The following CLCN4 variants were observed in gnomAD, a reference collection of about 807,000 sequenced individuals.
The protein encoded by CLCN4 is H(+)/Cl(-) exchange transporter 4.
A neutral mutation model predicts 41.7 loss-of-function variants in CLCN4; 1 was observed. The observed-to-expected ratio is 0.02, with a 90% confidence interval of 0.01 to 0.11. The LOEUF (loss-of-function observed/expected upper bound fraction) is 0.11. Ranked by LOEUF, CLCN4 falls within the 10% of genes least tolerant of loss-of-function variation. The pLI, the probability that CLCN4 is intolerant of heterozygous loss-of-function variation, is 1.00. For synonymous variants in CLCN4, 277 were observed against 285.8 expected (o/e 0.97, Z 0.31); for missense variants, 287 against 661.0 (o/e 0.43, Z 6.20).
intron 4 of CLCN4, among the ~76,000 whole-genome samples, chrX:10,192,947 T>C (rs1259771713): frequency 8.9e-6 from 1 of 112,002 alleles, no homozygotes; most frequent in East Asian, 2.8e-4. Context: ...TGTGCCTGGA[T>C]GGTGGGTTCC....
chrX:10,160,849 G>T, intron 2 of CLCN4, among the ~76,000 whole-genome samples: 1 of 111,401 alleles, frequency 9.0e-6, no homozygotes, highest in African/African-American at 3.3e-5. Context: ...AGCTGCTGTC[G>T]GATCTGTAAA....
chrX:10,157,520 A>G lies in CLCN4; in HGVS notation c.-275+420A>G, dbSNP rs779666168. Among the ~76,000 whole-genome samples, 62 of 113,031 alleles carry G rather than the reference A, an allele frequency of 5.5e-4. No homozygotes were observed. In the South Asian group the frequency reaches 0.022, roughly 39 times the overall value. The stretch of plus-strand genomic sequence containing the variant: ...TGCTTTTGTCCTTTTACATTTCAAA[A>G]ACGCTTGTGTATTTTGGCAAAAGAA... On this transcript the variant is annotated intron_variant, in intron 1 of 12. Transcript: ENST00000380833.
At chrX:10,158,241 T>C in intron 1 of CLCN4, 48 bp from the exon 2 acceptor site, 5 of 287,755 alleles carry the variant, frequency 1.7e-5, no homozygotes, top group Non-Finnish European at 3.0e-5. Flanking sequence ...CCTGTAATAA[T>C]TTGGATTTCT....
chrX:10,187,736 G>GGGA, intron 4 of CLCN4, 122 bp downstream of exon 4: 1 of 533,079 alleles, frequency 1.9e-6, no homozygotes, highest in Non-Finnish European at 3.2e-6. Context: ...CCCTGTGGGA[G>GGGA]GGATTTATTA....
rs1167421946 is a variant in CLCN4 at position 10,234,784 on chromosome X, G to T, written c.*1200G>T. On this transcript the variant is annotated 3_prime_UTR_variant, in exon 13 of 13. Transcript: ENST00000380833. Reference sequence around the variant, plus strand: ...CATTAAATTTTATATAGCCAATTTGGGCACTGGGCATCTTTGTATTTGAAC... The same window carrying T: ...CATTAAATTTTATATAGCCAATTTGTGCACTGGGCATCTTTGTATTTGAAC... The T allele has an allele frequency of 8.9e-6, 1 of 112,439 alleles. No homozygotes were observed. The highest frequency in any genetic ancestry group is 2.8e-4 in the East Asian group (1 of 3,609). The allele number at this position is 112,439 out of a possible 1,213,427, so 9.3% of individuals were successfully genotyped here.
At chrX:10,171,761 C>T (rs572509858) in intron 2 of CLCN4, among the ~76,000 whole-genome samples, 6 of 111,850 alleles carry the variant, frequency 5.4e-5, no homozygotes, top group African/African-American at 3.3e-5. Flanking sequence ...AAAGCAGGCA[C>T]GTGCTTCCAA....
chrX:10,169,228 A>G (rs758954389), intron 2 of CLCN4, among the ~76,000 whole-genome samples: 12 of 111,989 alleles, frequency 1.1e-4, no homozygotes, highest in African/African-American at 3.9e-4. Flanking sequence ...ACTTCTTGAG[A>G]GAGCTTAAAG....
intron 11 of CLCN4, among the ~76,000 whole-genome samples, chrX:10,215,326 G>A (rs1225639452): frequency 1.8e-5 from 2 of 111,748 alleles, no homozygotes; most frequent in Admixed American, 9.5e-5. Flanking sequence ...CTTCATCAAA[G>A]GCTTTATAAC....
At chrX:10,192,718 A>C in intron 4 of CLCN4, among the ~76,000 whole-genome samples, 2 of 112,302 alleles carry the variant, frequency 1.8e-5, no homozygotes, top group Middle Eastern at 4.6e-3. Flanking sequence ...CACAGTGTGG[A>C]GAGGCCATGA....
chrX:10,220,664 A>G lies in CLCN4; in HGVS notation c.1979A>G (p.Asn660Ser). Residue 660 changes from asparagine to serine, a missense_variant, in exon 12 of 13, where the codon AAC becomes AGC. Coordinates refer to ENST00000380833, the MANE Select transcript of CLCN4 (RefSeq NM_001830.4). ...GTTCCTGCTCACCCCATTCTAGAGA[A>G]CGCCAGACAGAGGCAGGAGGGCATT... ...QRRELILAIK[N>S]ARQRQEGIVS... is the part of the protein sequence containing the mutation. The G allele has an allele frequency of 8.3e-7, 1 of 1,209,104 alleles. No individual in the cohort carries two copies. The highest frequency in any genetic ancestry group is 1.1e-6 in the Non-Finnish European group (1 of 893,330).
At chrX:10,180,492 G>C (rs757188631) in intron 2 of CLCN4, among the ~76,000 whole-genome samples, 4 of 111,632 alleles carry the variant, frequency 3.6e-5, no homozygotes, top group African/African-American at 1.3e-4. Context: ...ACCTGGCCGG[G>C]CGCAGTGGCT....
At chrX:10,161,821 C>T (rs1437574600) in intron 2 of CLCN4, among the ~76,000 whole-genome samples, 1 of 110,404 alleles carries the variant, frequency 9.1e-6, no homozygotes, top group Non-Finnish European at 1.9e-5. Context: ...AAAGGGGCTT[C>T]TGCCTGGGGT....
At chrX:10,226,322 A>C (rs977613932) in intron 12 of CLCN4, among the ~76,000 whole-genome samples, 1 of 111,983 alleles carries the variant, frequency 8.9e-6, no homozygotes, top group Non-Finnish European at 1.9e-5. Flanking sequence ...TTAAGGCAGA[A>C]CTCAAGAAAT....
At chrX:10,201,095 G>A (rs1003529334) in intron 6 of CLCN4, among the ~76,000 whole-genome samples, 1 of 112,050 alleles carries the variant, frequency 8.9e-6, no homozygotes, top group Non-Finnish European at 1.9e-5. Flanking sequence ...GAGAAAGTAT[G>A]ATTGATAGAA....
At chrX:10,206,805 G>A in intron 8 of CLCN4, 29 bp downstream of exon 8, 1 of 1,082,114 alleles carries the variant, frequency 9.2e-7, no homozygotes, top group Non-Finnish European at 1.3e-6. Flanking sequence ...GGGAATTCGT[G>A]ATTTTGAGCA....
At chrX:10,184,954 G>A in intron 2 of CLCN4, 68 bp from the exon 3 acceptor site, 1 of 907,965 alleles carries the variant, frequency 1.1e-6, no homozygotes, top group Admixed American at 3.0e-5. Flanking sequence ...TAGGGCACAT[G>A]GACTATTCTT....
At chrX:10,231,521 T>A (rs1252062146) in intron 12 of CLCN4, among the ~76,000 whole-genome samples, 1 of 111,777 alleles carries the variant, frequency 8.9e-6, no homozygotes. Flanking sequence ...GAGAGATTTT[T>A]AAACATAATT....
rs1924640900 is a variant in CLCN4 at position 10,214,012 on chromosome X, G to A, written c.1908G>A (p.Val636=). The change falls in exon 11 of 13, where the codon GTG becomes GTA. Residue 636 remains valine (V), a synonymous_variant. Coordinates refer to ENST00000380833, the MANE Select transcript of CLCN4 (RefSeq NM_001830.4). ...IKETDYNGFP[V]VVSRDSERLI... is the part of the protein sequence containing the mutation. ...AGACCGACTACAACGGCTTCCCCGTGGTGGTCTCCAGAGACTCCGAGCGCC... is the reference window on the plus strand; with the variant it reads ...AGACCGACTACAACGGCTTCCCCGTAGTGGTCTCCAGAGACTCCGAGCGCC... 8.3e-7 allele frequency: 1 copy of A among 1,208,472 alleles called. No homozygotes were observed. The highest frequency in any genetic ancestry group is 1.1e-6 in the Non-Finnish European group (1 of 893,795).
intron 2 of CLCN4, among the ~76,000 whole-genome samples, chrX:10,174,216 G>A (rs920732582): frequency 8.9e-6 from 1 of 111,894 alleles, no homozygotes; most frequent in African/African-American, 3.3e-5. Context: ...TCTCCCCCTC[G>A]TCCATGTGTG....
Sources: allele counts gnomAD v4.1 joint callset (sites outside exome capture counted in the v4.1 genomes callset), GRCh38; gene constraint gnomAD v4.1.1; transcripts MANE v1.5; gene names NCBI Gene and HGNC (gene_info 2026-07-23, HGNC 2026-07-21).